Variants in HEMK1 observed in about 807,000 individuals in gnomAD.
HEMK1 encodes the protein MTRF1L release factor glutamine methyltransferase.
Under a neutral mutation model 47.9 loss-of-function variants are expected in HEMK1, and 36 were observed. The ratio of observed to expected loss-of-function variants is 0.75; its 90% CI spans 0.58 to 0.99. The LOEUF (loss-of-function observed/expected upper bound fraction) is 0.99, where lower values mean the gene tolerates loss of function less well. Among genes scored for constraint, HEMK1 ranks in the 50% least tolerant of loss-of-function variants. The pLI is 0.00. For missense variants in HEMK1, 383 were observed against 434.5 expected (o/e 0.88, Z 1.05); for synonymous variants, 153 against 165.4 (o/e 0.93, Z 0.57).
At position 50,575,215 on chromosome 3, in the gene HEMK1, G is replaced by A. The variant is rs147048032; in HGVS notation, c.415-1837G>A. 2.1e-3 allele frequency among the ~76,000 whole-genome samples: 325 copies of A among 152,236 alleles called. 1 individual carries two copies. The highest frequency in any genetic ancestry group is 7.4e-3 in the African/African-American group (309 of 41,526). ...AGGCGGGTAGATCACCTGAGGTCGG[G>A]AGTTCGAGACCAGCCTGACCAACGT... On this transcript the variant is annotated intron_variant, in intron 4 of 10. Transcript: ENST00000232854.
chr3:50,577,377 C>T, intron 5 of HEMK1, 132 bp from the exon 6 acceptor site: 1 of 1,181,844 alleles, frequency 8.5e-7, no homozygotes, highest in South Asian at 1.2e-5. Flanking sequence ...TAGACTTTGG[C>T]CAAGAAGAAA....
chr3:50,571,867 C>T, intron 3 of HEMK1, 66 bp downstream of exon 3: 1 of 1,508,814 alleles, frequency 6.6e-7, no homozygotes, highest in African/African-American at 1.4e-5. Context: ...TCCCCTATCC[C>T]CACCAAGTTC....
chr3:50,590,485 G>A lies in HEMK1; in HGVS notation c.*10068G>A, dbSNP rs2031662180. 6.6e-6 allele frequency: 1 copy of A among 152,228 alleles called. No homozygotes were observed. Among genetic ancestry groups the A allele is most frequent in the Non-Finnish European group, 1.5e-5 (1 of 68,132 alleles). The allele number at this position is 152,228 out of a possible 1,614,324, so 9.4% of individuals were successfully genotyped here. A position where few individuals can be genotyped will look rare whatever the true frequency, so the allele number is the denominator to read the frequency against. ...GCAGGAGAATCGCTTGAACCCGGAA[G>A]GCGGAGGTTGCAGTGAGCTGAGATC... is the stretch of plus-strand genomic sequence containing the variant. On this transcript the variant is annotated 3_prime_UTR_variant, in exon 11 of 11. Coordinates refer to ENST00000232854, the MANE Select transcript of HEMK1 (RefSeq NM_016173.5).
rs1250978202 is a variant in HEMK1 at position 50,585,875 on chromosome 3, TCTC to T, written c.*5461_*5463del. The T allele has an allele frequency of 1.3e-5, 2 of 152,336 alleles. No individual in the cohort carries two copies. Among genetic ancestry groups the T allele is most frequent in the Admixed American group, 6.5e-5 (1 of 15,308 alleles). 9.4% of individuals were successfully genotyped at this position (152,336 alleles called of 1,614,324 possible). A position where few individuals can be genotyped will look rare whatever the true frequency, so the allele number is the denominator to read the frequency against. ...CCTGACTCCCAGTATGATGCTCTCA[TCTC>T]CTATTGCTTCCAAAGGCCTGGGGTT... is the stretch of plus-strand genomic sequence containing the variant. On this transcript the variant is annotated 3_prime_UTR_variant, in exon 11 of 11. Coordinates refer to ENST00000232854, the MANE Select transcript of HEMK1 (RefSeq NM_016173.5).
chr3:50,572,381 T>G (rs1701101522), intron 4 of HEMK1, among the ~76,000 whole-genome samples, 173 bp downstream of exon 4: 1 of 152,160 alleles, frequency 6.6e-6, no homozygotes, highest in Non-Finnish European at 1.5e-5. Flanking sequence ...GGACAGAGGA[T>G]TCCTGTTGGT....
intron 4 of HEMK1, among the ~76,000 whole-genome samples, chr3:50,574,853 G>T (rs1460224979): frequency 6.6e-6 from 1 of 152,204 alleles, no homozygotes; most frequent in Non-Finnish European, 1.5e-5. Context: ...TGCAGAAGAG[G>T]CTTGGAACAT....
At position 50,572,189 on chromosome 3, in the gene HEMK1, T is replaced by C. The variant is rs780498611; in HGVS notation, c.395T>C (p.Ile132Thr). The change falls in exon 4 of 11, where the codon ATT becomes ACT. Residue 132 changes from isoleucine (I) to threonine (T), a missense_variant. Coordinates refer to ENST00000232854, the MANE Select transcript of HEMK1 (RefSeq NM_016173.5). ...CTAAGGATGGTGCCCCCAGTGTTTA[T>C]TCCTCGGCCAGAAACAGAGGTAGGT... ...LSLRMVPPVF[I>T]PRPETEELVE... is the part of the protein sequence containing the mutation. 4.1e-5 allele frequency: 66 copies of C among 1,612,414 alleles called. No individual in the cohort carries two copies. Among genetic ancestry groups the C allele is most frequent in the Non-Finnish European group, 5.4e-5 (64 of 1,179,140 alleles).
chr3:50,572,756 C>T (rs1235306966), intron 4 of HEMK1, among the ~76,000 whole-genome samples: 3 of 152,246 alleles, frequency 2.0e-5, no homozygotes, highest in Non-Finnish European at 2.9e-5. Flanking sequence ...TGTTGTCCCT[C>T]AAATTACTAG....
intron 8 of HEMK1, among the ~76,000 whole-genome samples, chr3:50,579,314 G>A (rs1332364459): frequency 2.0e-5 from 3 of 152,162 alleles, no homozygotes; most frequent in African/African-American, 7.2e-5. Flanking sequence ...GAGGGAAGGT[G>A]TCTTGTCTGT....
rs2030889857 is a variant in HEMK1, at chr3:50,582,115, C to T, written c.*1698C>T. The T allele has an allele frequency of 6.6e-6, 1 of 152,280 alleles. No homozygotes were observed. The highest frequency in any genetic ancestry group is 1.5e-5 in the Non-Finnish European group (1 of 68,088). The allele number at this position is 152,280 out of a possible 1,614,324, so 9.4% of individuals were successfully genotyped here. On this transcript the variant is annotated 3_prime_UTR_variant, in exon 11 of 11. Coordinates refer to ENST00000232854, the MANE Select transcript of HEMK1 (RefSeq NM_016173.5). ...GTAGCTGCCCTGACCTCGGAGCAGT[C>T]TGTCGCCCCCCTACACCTCAGCCAG...
chr3:50,575,911 C>A (rs1301267159), intron 4 of HEMK1, among the ~76,000 whole-genome samples: 1 of 152,250 alleles, frequency 6.6e-6, no homozygotes, highest in Non-Finnish European at 1.5e-5. Context: ...TTTACCCCTA[C>A]CCTATGTTGG....
chr3:50,589,931 C>G lies in HEMK1; in HGVS notation c.*9514C>G, dbSNP rs2031631423. The G allele has an allele frequency of 6.6e-6, 1 of 152,008 alleles. No individual in the cohort carries two copies. The highest frequency in any genetic ancestry group is 1.5e-5 in the Non-Finnish European group (1 of 68,040). 9.4% of individuals were successfully genotyped at this position (152,008 alleles called of 1,614,324 possible). A position where few individuals can be genotyped will look rare whatever the true frequency, so the allele number is the denominator to read the frequency against. ...TAATAATAGGCCAGGCGCAGTAGCT[C>G]ACGTTTGTAATCCCAGCACTTTGGG... is the stretch of plus-strand genomic sequence containing the variant. On this transcript the variant is annotated 3_prime_UTR_variant, in exon 11 of 11. Coordinates refer to ENST00000232854, the MANE Select transcript of HEMK1 (RefSeq NM_016173.5).
At chr3:50,575,617 G>A (rs1701503779) in intron 4 of HEMK1, among the ~76,000 whole-genome samples, 1 of 152,100 alleles carries the variant, frequency 6.6e-6, no homozygotes, top group African/African-American at 2.4e-5. Context: ...GTAGAGCCTG[G>A]CCCAGGCTTG....
chr3:50,571,598 T>G, intron 2 of HEMK1, 112 bp from the exon 3 acceptor site: 1 of 1,009,636 alleles, frequency 9.9e-7, no homozygotes, highest in Non-Finnish European at 1.6e-6. Flanking sequence ...GCCCAGATGA[T>G]GAGAGGGTTG....
chr3:50,580,790 C>A lies in HEMK1; in HGVS notation c.*373C>A. On this transcript the variant is annotated 3_prime_UTR_variant, in exon 11 of 11. Transcript: ENST00000232854. ...AGCAGGGCTGGCCGTCAGTCCCCTG[C>A]TTGGTAGTGGTGTGGGGGTGCAGTG... is the stretch of plus-strand genomic sequence containing the variant. 1 of 332,778 alleles carries A rather than the reference C, an allele frequency of 3.0e-6. No homozygotes were observed. The highest frequency in any genetic ancestry group is 2.1e-5 in the African/African-American group (1 of 46,656). The allele number at this position is 332,778 out of a possible 1,614,324, so 20.6% of individuals were successfully genotyped here. A position where few individuals can be genotyped will look rare whatever the true frequency, so the allele number is the denominator to read the frequency against.
At position 50,593,622 on chromosome 3, in the gene HEMK1, T is replaced by C. The variant is rs1042514608; in HGVS notation, c.*13205T>C. On this transcript the variant is annotated 3_prime_UTR_variant, in exon 11 of 11. Coordinates refer to ENST00000232854, the MANE Select transcript of HEMK1 (RefSeq NM_016173.5). The stretch of plus-strand genomic sequence containing the variant: ...GCCATTAATTTACAGGGGTTTATCT[T>C]ATAACTGGACACCTTTTTGTTTTCT... 6.6e-6 allele frequency: 1 copy of C among 152,284 alleles called. No homozygotes were observed. The allele number at this position is 152,284 out of a possible 1,614,324, so 9.4% of individuals were successfully genotyped here.
chr3:50,580,231 T>A lies in HEMK1; in HGVS notation c.980+2T>A. The A allele has an allele frequency of 1.2e-6, 2 of 1,613,458 alleles. No homozygotes were observed. ...TGTGCGCAGGGACTTCTGTGGGAGG[T>A]AAGATCCTAGCCCCCTTTAGCCCTG... is the stretch of plus-strand genomic sequence containing the variant. On this transcript the variant is annotated splice_donor_variant, in intron 10 of 10. Coordinates refer to ENST00000232854, the MANE Select transcript of HEMK1 (RefSeq NM_016173.5). LOFTEE classifies it high-confidence loss of function.
chr3:50,575,746 G>A (rs1465949509), intron 4 of HEMK1, among the ~76,000 whole-genome samples: 1 of 152,210 alleles, frequency 6.6e-6, no homozygotes, highest in Non-Finnish European at 1.5e-5. Flanking sequence ...CAGGAGTCCT[G>A]ACCCTCTGGG....
chr3:50,571,816 A>T lies in HEMK1; in HGVS notation c.320+15A>T. The T allele has an allele frequency of 6.2e-7, 1 of 1,609,952 alleles. No homozygotes were observed. Among genetic ancestry groups the T allele is most frequent in the Non-Finnish European group, 8.5e-7 (1 of 1,176,272 alleles). ...CGATTGCAGAGGTGAGCACCCATGG[A>T]TCAGACCTGAAGGATGTGTTCAGGG... On this transcript the variant is annotated intron_variant, in intron 3 of 10. Transcript: ENST00000232854.
Sources: gnomAD v4.1 joint callset for allele counts (sites outside exome capture counted in the v4.1 genomes callset) on GRCh38, gnomAD v4.1.1 for gene constraint, MANE v1.5 for transcripts, NCBI Gene and HGNC (gene_info 2026-07-23, HGNC 2026-07-21) for gene names.